Variants in LYRM4 observed in about 807,000 individuals in gnomAD.
The protein encoded by LYRM4 is LYR motif containing 4.
LYRM4 carries 9 observed loss-of-function variants against 11.7 expected under a neutral mutation model. The ratio of observed to expected loss-of-function variants is 0.77; its 90% CI spans 0.46 to 1.34. The LOEUF is 1.34. Among genes scored for constraint, LYRM4 ranks in the 40% most tolerant of loss-of-function variants. The pLI, the probability that LYRM4 is intolerant of heterozygous loss-of-function variation, is 0.00. For missense variants in LYRM4, 133 were observed against 112.5 expected, an observed-to-expected ratio of 1.18 and a Z score of -0.82; for synonymous variants, 42 against 40.4, an observed-to-expected ratio of 1.04 and a Z score of -0.15.
chr6:5,098,687 G>A (rs1375618051), downstream of LYRM4, among the ~76,000 whole-genome samples: 2 of 152,220 alleles, frequency 1.3e-5, no homozygotes, highest in Non-Finnish European at 2.9e-5. Context: ...AGAACCGGGT[G>A]AGGGAGGTAC....
At chr6:5,127,475 C>T (rs763658974) in intron 2 of LYRM4, among the ~76,000 whole-genome samples, 10 of 152,268 alleles carry the variant, frequency 6.6e-5, no homozygotes, top group Admixed American at 4.6e-4. Context: ...CTAAATATTT[C>T]GCAATTACAG....
chr6:5,084,395 G>T, the LYRM4 span, among the ~76,000 whole-genome samples: 1 of 152,128 alleles, frequency 6.6e-6, no homozygotes, highest in Non-Finnish European at 1.5e-5. Flanking sequence ...CCCCACTCCC[G>T]GTGGGCGGGG....
Position 5,227,378 on chromosome 6 carries a change from T to C in LYRM4, c.87-10640A>G, listed in dbSNP as rs1273715120. On this transcript the variant is annotated intron_variant, in intron 1 of 2. Transcript: ENST00000330636. ...GGAGAGGGAGCAAGAAGGGTCAACG[T>C]AGAGGCAGGAAAGCCAGGATAATTC... Among the ~76,000 whole-genome samples the C allele has an allele frequency of 1.1e-4, 17 of 152,196 alleles. No individual in the cohort carries two copies. In the East Asian group the frequency reaches 3.1e-3, roughly 28 times the overall value.
At chr6:5,098,179 C>T in the LYRM4 span, among the ~76,000 whole-genome samples, 101,585 of 152,044 alleles carry the variant, frequency 0.67, 34,601 homozygotes, top group East Asian at 0.81. Flanking sequence ...AGTCTCTGCG[C>T]TTACACATCC....
chr6:5,121,774 C>A (rs1763467819), intron 2 of LYRM4, among the ~76,000 whole-genome samples: 1 of 152,212 alleles, frequency 6.6e-6, no homozygotes, highest in Non-Finnish European at 1.5e-5. Flanking sequence ...CAAAGCTCAG[C>A]TGCATGTCTG....
chr6:5,067,258 C>T, the LYRM4 span, among the ~76,000 whole-genome samples: 5 of 152,180 alleles, frequency 3.3e-5, no homozygotes, highest in Admixed American at 2.0e-4. Context: ...TAACAGATGA[C>T]CTCAAACTTA....
intron 2 of LYRM4, among the ~76,000 whole-genome samples, chr6:5,168,752 T>A (rs1349971080): frequency 6.6e-6 from 1 of 152,154 alleles, no homozygotes; most frequent in Non-Finnish European, 1.5e-5. Flanking sequence ...TTGATAAATG[T>A]CTTGGGTGTG....
intron 2 of LYRM4, among the ~76,000 whole-genome samples, chr6:5,114,720 C>G (rs1353131807): frequency 6.6e-6 from 1 of 151,068 alleles, no homozygotes; most frequent in Non-Finnish European, 1.5e-5. Flanking sequence ...TACACTAACA[C>G]TAACGAAAGC....
At chr6:5,063,558 T>C in the LYRM4 span, among the ~76,000 whole-genome samples, 1 of 152,276 alleles carries the variant, frequency 6.6e-6, no homozygotes, top group East Asian at 1.9e-4. Flanking sequence ...TGAACCCCAC[T>C]GGAAGAAGCT....
chr6:5,144,653 A>AAAAAAAAAAAAAAC, intron 2 of LYRM4, among the ~76,000 whole-genome samples: 1 of 150,328 alleles, frequency 6.7e-6, no homozygotes, highest in Non-Finnish European at 1.5e-5. Context: ...AAAAAAAAAA[A>AAAAAAAAAAAAAAC]AAGAAATACG....
intron 2 of LYRM4, among the ~76,000 whole-genome samples, chr6:5,125,388 G>A (rs1048361127): frequency 6.6e-6 from 1 of 152,196 alleles, no homozygotes; most frequent in African/African-American, 2.4e-5. Context: ...CAGCCGGGAT[G>A]GAGCCCATGA....
chr6:5,057,370 C>G, the LYRM4 span, among the ~76,000 whole-genome samples: 1 of 152,070 alleles, frequency 6.6e-6, no homozygotes, highest in Admixed American at 6.6e-5. Context: ...AACTTTGGGA[C>G]AAAAGAGACC....
At chr6:5,144,622 C>G (rs1757600677) in intron 2 of LYRM4, among the ~76,000 whole-genome samples, 1 of 43,686 alleles carries the variant, frequency 2.3e-5, no homozygotes, top group African/African-American at 8.9e-5. Context: ...GAGACTCCGT[C>G]TCAAAAAAAA....
chr6:5,059,443 C>CT, the LYRM4 span, among the ~76,000 whole-genome samples: 5 of 151,790 alleles, frequency 3.3e-5, no homozygotes, highest in Admixed American at 3.3e-4. Context: ...CTGGGCCTCT[C>CT]TGATTTTTTC....
chr6:5,158,473 G>GT (rs3055917), intron 2 of LYRM4, among the ~76,000 whole-genome samples: 15,346 of 128,502 alleles, frequency 0.12, 947 homozygotes, highest in Admixed American at 0.16. Context: ...TGGTCTCCAC[G>GT]TTTTTTTTTT....
the LYRM4 span, chr6:5,084,704 T>G: frequency 6.6e-6 from 1 of 152,344 alleles, no homozygotes; most frequent in East Asian, 1.9e-4. Flanking sequence ...CGGCGGCTCC[T>G]GCCTCCCGGC....
the LYRM4 span, among the ~76,000 whole-genome samples, chr6:5,040,255 C>T: frequency 4.0e-5 from 6 of 151,790 alleles, no homozygotes; most frequent in East Asian, 1.9e-4. Flanking sequence ...GAGGTTGAGG[C>T]GAGCTATGAT....
the LYRM4 span, among the ~76,000 whole-genome samples, chr6:5,069,687 G>A: frequency 6.6e-6 from 1 of 151,986 alleles, no homozygotes; most frequent in Non-Finnish European, 1.5e-5. Context: ...CACCATGTTG[G>A]CCAGGCTGGT....
At chr6:5,248,903 T>C (rs927563917) in intron 1 of LYRM4, among the ~76,000 whole-genome samples, 1 of 152,242 alleles carries the variant, frequency 6.6e-6, no homozygotes, top group South Asian at 2.1e-4. Flanking sequence ...AGGTACCCAA[T>C]AAATGTTTGC....
Sources: allele counts gnomAD v4.1 joint callset (sites outside exome capture counted in the v4.1 genomes callset), GRCh38; gene constraint gnomAD v4.1.1; transcripts MANE v1.5; gene names NCBI Gene and HGNC (gene_info 2026-07-23, HGNC 2026-07-21).